Variants in ADAMTS3 observed in about 807,000 individuals in gnomAD.
The protein encoded by ADAMTS3 is A disintegrin and metalloproteinase with thrombospondin motifs 3.
ADAMTS3 carries 73 observed loss-of-function variants against 129.0 expected under a neutral mutation model. The observed-to-expected ratio is 0.57, with a 90% confidence interval of 0.47 to 0.69. The LOEUF (loss-of-function observed/expected upper bound fraction) is 0.69. Ranked by LOEUF, ADAMTS3 falls within the 30% of genes least tolerant of loss-of-function variation. The probability of loss-of-function intolerance (pLI) is 0.00; values close to 1 mark genes in which losing one functional copy is unlikely to be tolerated. For synonymous variants in ADAMTS3, 477 were observed against 510.8 expected, an observed-to-expected ratio of 0.93 and a Z score of 0.89; for missense variants, 1,457 against 1,514.5, an observed-to-expected ratio of 0.96 and a Z score of 0.63.
At chr4:72,552,193 C>T (rs1358483462) in intron 2 of ADAMTS3, among the ~76,000 whole-genome samples, 1 of 152,158 alleles carries the variant, frequency 6.6e-6, no homozygotes, top group Non-Finnish European at 1.5e-5. Context: ...ACTGCAAAGT[C>T]AGAAAGCACT....
At chr4:72,515,855 T>A (rs1321582540) in intron 3 of ADAMTS3, among the ~76,000 whole-genome samples, 3 of 152,204 alleles carry the variant, frequency 2.0e-5, no homozygotes, top group Non-Finnish European at 4.4e-5. Flanking sequence ...ATCCCATTTG[T>A]CAATTTTGGC....
At chr4:72,460,130 C>A (rs887516938) in intron 3 of ADAMTS3, among the ~76,000 whole-genome samples, 1 of 151,460 alleles carries the variant, frequency 6.6e-6, no homozygotes, top group African/African-American at 2.4e-5. Context: ...TTAAGAGTAT[C>A]TCCTCCCCGC....
chr4:72,325,630 A>G (rs1719679433), intron 5 of ADAMTS3, among the ~76,000 whole-genome samples: 1 of 152,218 alleles, frequency 6.6e-6, no homozygotes, highest in Non-Finnish European at 1.5e-5. Flanking sequence ...ATAAAACTAG[A>G]TAACAATAAA....
At chr4:72,398,314 T>C (rs1318264279) in intron 4 of ADAMTS3, among the ~76,000 whole-genome samples, 5 of 152,116 alleles carry the variant, frequency 3.3e-5, no homozygotes, top group Admixed American at 2.0e-4. Context: ...CCCAGCACTT[T>C]GGGAGGCCAA....
intron 3 of ADAMTS3, among the ~76,000 whole-genome samples, chr4:72,479,916 T>C (rs1719378169): frequency 1.3e-5 from 2 of 152,264 alleles, no homozygotes; most frequent in South Asian, 4.1e-4. Flanking sequence ...AAAGAAGACA[T>C]TTATGCAGCC....
At chr4:72,531,389 G>C (rs1042922282) in intron 3 of ADAMTS3, among the ~76,000 whole-genome samples, 2 of 152,068 alleles carry the variant, frequency 1.3e-5, no homozygotes, top group Non-Finnish European at 2.9e-5. Flanking sequence ...ATGCTGAATT[G>C]GCCGCAGAAT....
Position 72,568,996 on chromosome 4 carries a change from C to CA in ADAMTS3, c.-235dup. On this transcript the variant is annotated 5_prime_UTR_variant, in exon 1 of 22. Transcript: ENST00000286657. Reference sequence around the variant, plus strand: ...ACCTTCTCACCCCGTCCTCCCAACACAGAGTGTGCAGGAGCGAGAAGGTGC... The same window carrying CA: ...ACCTTCTCACCCCGTCCTCCCAACACAAGAGTGTGCAGGAGCGAGAAGGTGC... The CA allele has an allele frequency of 6.8e-6, 4 of 591,292 alleles. No individual in the cohort carries two copies. Among genetic ancestry groups the CA allele is most frequent in the South Asian group, 2.0e-5 (1 of 48,828 alleles). The allele number at this position is 591,292 out of a possible 1,614,324, so 36.6% of individuals were successfully genotyped here. A position where few individuals can be genotyped will look rare whatever the true frequency, so the allele number is the denominator to read the frequency against.
chr4:72,299,053 CTG>C (rs60439058), intron 17 of ADAMTS3, among the ~76,000 whole-genome samples: 29,770 of 137,822 alleles, frequency 0.22, 3,063 homozygotes, highest in Admixed American at 0.32. Flanking sequence ...TATTTGCATT[CTG>C]TGTGTGTGTG....
Position 72,312,476 on chromosome 4 carries a change from A to C in ADAMTS3, c.1746-10T>G, listed in dbSNP as rs117610354. 43 of 1,612,606 alleles carry C rather than the reference A, an allele frequency of 2.7e-5. No homozygotes were observed. The East Asian group carries it at 9.2e-4, about 34-fold the overall frequency. ...ACCACCATTGATGGGCCTAAAGAAAAGACAACATTTAAAAAGGCCTTTTGG... is the reference window on the plus strand; with the variant it reads ...ACCACCATTGATGGGCCTAAAGAAACGACAACATTTAAAAAGGCCTTTTGG... On this transcript the variant is annotated splice_polypyrimidine_tract_variant and intron_variant, in intron 12 of 21. Coordinates refer to ENST00000286657, the MANE Select transcript of ADAMTS3 (RefSeq NM_014243.3).
At chr4:72,495,853 T>C (rs1444721206) in intron 3 of ADAMTS3, among the ~76,000 whole-genome samples, 1 of 152,196 alleles carries the variant, frequency 6.6e-6, no homozygotes, top group Non-Finnish European at 1.5e-5. Flanking sequence ...AAACCTACTA[T>C]ACAGCAAGGA....
Position 72,548,583 on chromosome 4 carries a change from C to A in ADAMTS3, c.399G>T (p.Thr133=), listed in dbSNP as rs139759074. The A allele has an allele frequency of 1.6e-5, 26 of 1,613,838 alleles. No homozygotes were observed. Among genetic ancestry groups the A allele is most frequent in the Non-Finnish European group, 2.2e-5 (26 of 1,179,914 alleles). ...AAGGCTCTGTTCTCCGGATTCTATA[C>A]GTAGCACTTCCTGGTTGATGGTTGT... The part of the protein sequence containing the change: ...PINNHQPGSA[T]YRIRRTEPLQ... The change falls in exon 3 of 22, where the codon ACG becomes ACT. Residue 133 remains threonine, a synonymous_variant. Transcript: ENST00000286657.
chr4:72,359,017 A>T lies in ADAMTS3; in HGVS notation c.662-19324T>A, dbSNP rs575124209. On this transcript the variant is annotated intron_variant, in intron 4 of 21. Coordinates refer to ENST00000286657, the MANE Select transcript of ADAMTS3 (RefSeq NM_014243.3). ...GAAAAAAGAAAACATAAACAAAACA[A>T]AGAAAATCCTGAGAAAAAAGCTGAA... Among the ~76,000 whole-genome samples, 16 of 152,114 alleles carry T rather than the reference A, an allele frequency of 1.1e-4. 1 individual carries two copies. In the South Asian group the frequency reaches 3.3e-3, roughly 31 times the overall value.
At chr4:72,517,170 AT>A (rs1388667321) in intron 3 of ADAMTS3, among the ~76,000 whole-genome samples, 1 of 152,162 alleles carries the variant, frequency 6.6e-6, no homozygotes, top group African/African-American at 2.4e-5. Context: ...CCAGCCTTGC[AT>A]CCCAGGGATG....
chr4:72,556,950 G>C (rs1388215487), intron 2 of ADAMTS3, among the ~76,000 whole-genome samples: 1 of 151,606 alleles, frequency 6.6e-6, no homozygotes, highest in Non-Finnish European at 1.5e-5. Flanking sequence ...GATACAGTTA[G>C]AAGGACCTTA....
At chr4:72,508,094 T>C (rs76595709) in intron 3 of ADAMTS3, among the ~76,000 whole-genome samples, 6,941 of 152,138 alleles carry the variant, frequency 0.046, 170 homozygotes, top group African/African-American at 0.06. Flanking sequence ...CAAAACCACA[T>C]CTCTGAAGGG....
chr4:72,401,490 T>TG (rs769685306), intron 4 of ADAMTS3, among the ~76,000 whole-genome samples: 14 of 119,480 alleles, frequency 1.2e-4, no homozygotes, highest in Non-Finnish European at 1.9e-4. Context: ...TCACTTGAAC[T>TG]GGGGGGGTGG....
intron 4 of ADAMTS3, among the ~76,000 whole-genome samples, chr4:72,371,968 C>T (rs555297858): frequency 2.6e-5 from 4 of 151,302 alleles, no homozygotes; most frequent in Non-Finnish European, 4.4e-5. Context: ...AAATCAAAAG[C>T]AAAAAGATAA....
intron 3 of ADAMTS3, among the ~76,000 whole-genome samples, chr4:72,459,601 A>G (rs1718710796): frequency 6.6e-6 from 1 of 151,570 alleles, no homozygotes; most frequent in Non-Finnish European, 1.5e-5. Context: ...GAAAATGTAC[A>G]GGAAATCCAG....
At chr4:72,541,712 G>T (rs1404460214) in intron 3 of ADAMTS3, among the ~76,000 whole-genome samples, 5 of 152,126 alleles carry the variant, frequency 3.3e-5, no homozygotes, top group African/African-American at 1.2e-4. Context: ...TTTACAAAGG[G>T]CAGTTCCCCT....
Sources: gnomAD v4.1 joint callset for allele counts (sites outside exome capture counted in the v4.1 genomes callset) on GRCh38, gnomAD v4.1.1 for gene constraint, MANE v1.5 for transcripts, NCBI Gene and HGNC (gene_info 2026-07-23, HGNC 2026-07-21) for gene names.